The following SKOR2 variants were observed in gnomAD, a reference collection of about 807,000 sequenced individuals.
SKOR2 encodes LBX1 corepressor 1-like protein.
A neutral mutation model predicts 69.1 loss-of-function variants in SKOR2; 47 were observed. That is an observed-to-expected ratio of 0.68 (90% CI 0.54 to 0.87). The LOEUF (loss-of-function observed/expected upper bound fraction) is 0.87. SKOR2 is among the 40% of genes least tolerant of loss of function. The pLI is 0.00. For missense variants in SKOR2, 1,404 were observed against 1,472.2 expected (o/e 0.95, Z 0.76); for synonymous variants, 717 against 672.6 (o/e 1.07, Z -1.02).
At position 47,249,038 on chromosome 18, in the gene SKOR2, A is replaced by G. The variant is rs1384859149; in HGVS notation, c.146T>C (p.Ile49Thr). The G allele has an allele frequency of 6.5e-7, 1 of 1,539,570 alleles. No individual in the cohort carries two copies. Among genetic ancestry groups the G allele is most frequent in the Admixed American group, 2.0e-5 (1 of 51,206 alleles). Residue 49 changes from isoleucine (I) to threonine (T), a missense_variant, in exon 2 of 9, where the codon ATT becomes ACT. Ile to Thr is a moderately conservative substitution (Grantham distance 89, BLOSUM62 -1). Around this residue, in one of 3 missense-constraint regions of SKOR2, gnomAD observed 104 missense variants for 95.7 expected, o/e 1.09. Coordinates refer to ENST00000425639, the MANE Select transcript of SKOR2 (RefSeq NM_001278063.4). ...GTCGATCACCAACGACACGATGGGA[A>G]TGCCGTAGAGGATCACCTGGCCCAC... ...NQVGQVILYG[I>T]PIVSLVIDGQ... is the part of the protein sequence containing the mutation.
chr18:47,249,085 G>C lies in SKOR2; in HGVS notation c.99C>G (p.His33Gln). 2 of 1,536,470 alleles carry C rather than the reference G, an allele frequency of 1.3e-6. No individual in the cohort carries two copies. Among genetic ancestry groups the C allele is most frequent in the South Asian group, 2.4e-5 (2 of 84,068 alleles). ...PDTLSQPRPG[H>Q]ANLKPNQVGQ... ...CCACCTGGTTGGGTTTGAGGTTGGC[G>C]TGCCCTGGCCGCGGCTGGCTCAGCG... The change falls in exon 2 of 9, where the codon CAC becomes CAG. Residue 33 changes from histidine to glutamine, a missense_variant. By Grantham distance (24) the His-to-Gln change is conservative. This residue lies in a region of SKOR2 where 104 missense variants were observed against 95.7 expected (regional missense o/e 1.09). Transcript: ENST00000425639.
chr18:47,247,257 A>T lies in SKOR2; in HGVS notation c.1927T>A (p.Ser643Thr). 6.8e-7 allele frequency: 1 copy of T among 1,473,868 alleles called. No individual in the cohort carries two copies. Among genetic ancestry groups the T allele is most frequent in the Non-Finnish European group, 8.9e-7 (1 of 1,117,940 alleles). 91.3% of individuals were successfully genotyped at this position (1,473,868 alleles called of 1,614,324 possible). ...TGGGCCGAGTGGGGCGCGCCCGCCGACGCCCCGTGCAGCTTGGCCAGGCTC... is the reference window on the plus strand; with the variant it reads ...TGGGCCGAGTGGGGCGCGCCCGCCGTCGCCCCGTGCAGCTTGGCCAGGCTC... The part of the protein sequence containing the change: ...AESLAKLHGA[S>T]AGAPHSAQTH... The change falls in exon 2 of 9, where the codon TCG becomes ACG. Residue 643 changes from serine (S) to threonine (T), a missense_variant. By Grantham distance (58) the Ser-to-Thr change is moderately conservative (BLOSUM62 1). This residue lies in a region of SKOR2 where 1,266 missense variants were observed against 1,309.9 expected (regional missense o/e 0.97). Coordinates refer to ENST00000425639, the MANE Select transcript of SKOR2 (RefSeq NM_001278063.4). The surrounding 1 kb of genome is among the most constrained non-coding windows in gnomAD (Gnocchi z 6.6).
At chr18:47,219,154 T>C (rs1335392128) in intron 7 of SKOR2, among the ~76,000 whole-genome samples, 2 of 152,360 alleles carry the variant, frequency 1.3e-5, no homozygotes, top group Admixed American at 1.3e-4. Context: ...ATAATAATTA[T>C]GCTGAGAATA....
chr18:47,245,478 A>ATTTTGTTTTTTTTTTTTT lies in SKOR2; in HGVS notation c.2677+19_2677+20insAAAAAAAAAAAAACAAAA. Reference sequence around the variant, plus strand: ...ATGCAGGCAAGAAAAGTGGCAGCTGATTTTTTTTTTTTTTTTTACCTGAAA... The same window carrying ATTTTGTTTTTTTTTTTTT: ...ATGCAGGCAAGAAAAGTGGCAGCTGATTTTGTTTTTTTTTTTTTTTTTTTTTTTTTTTTTTACCTGAAA... On this transcript the variant is annotated intron_variant, in intron 3 of 8. Coordinates refer to ENST00000425639, the MANE Select transcript of SKOR2 (RefSeq NM_001278063.4). The ATTTTGTTTTTTTTTTTTT allele has an allele frequency of 8.4e-7, 1 of 1,194,644 alleles. No homozygotes were observed. Among genetic ancestry groups the ATTTTGTTTTTTTTTTTTT allele is most frequent in the Non-Finnish European group, 1.1e-6 (1 of 933,368 alleles). The allele number at this position is 1,194,644 out of a possible 1,614,324, so 74.0% of individuals were successfully genotyped here. A position where few individuals can be genotyped will look rare whatever the true frequency, so the allele number is the denominator to read the frequency against.
chr18:47,247,840 G>T lies in SKOR2; in HGVS notation c.1344C>A (p.Ala448=). 2 of 1,367,584 alleles carry T rather than the reference G, an allele frequency of 1.5e-6. No individual in the cohort carries two copies. The highest frequency in any genetic ancestry group is 1.9e-6 in the Non-Finnish European group (2 of 1,070,592). The allele number at this position is 1,367,584 out of a possible 1,614,324, so 84.7% of individuals were successfully genotyped here. A position where few individuals can be genotyped will look rare whatever the true frequency, so the allele number is the denominator to read the frequency against. The change falls in exon 2 of 9, where the codon GCC becomes GCA. Residue 448 remains alanine (A), a synonymous_variant. Coordinates refer to ENST00000425639, the MANE Select transcript of SKOR2 (RefSeq NM_001278063.4). The surrounding 1 kb of genome is among the most constrained non-coding windows in gnomAD (Gnocchi z 6.6). The part of the protein sequence containing the change: ...GAGGAGAAPK[A]GLSGLFWPAG... ...CGGGCCAGAAGAGGCCGGACAAGCC[G>T]GCCTTGGGCGCCGCGCCCGCGCCGC...
At chr18:47,226,299 C>T (rs1283087157) in intron 6 of SKOR2, among the ~76,000 whole-genome samples, 1 of 152,204 alleles carries the variant, frequency 6.6e-6, no homozygotes, top group East Asian at 1.9e-4. Flanking sequence ...GGATTTACAG[C>T]TGCAAAAATG....
intron 8 of SKOR2, among the ~76,000 whole-genome samples, chr18:47,210,726 G>A (rs56269748): frequency 0.1 from 15,548 of 151,992 alleles, 834 homozygotes; most frequent in Non-Finnish European, 0.12. Context: ...CCAACCTCAC[G>A]GGTGCATTTG....
chr18:47,207,153 C>A (rs116434749), intron 8 of SKOR2, among the ~76,000 whole-genome samples: 1,581 of 152,090 alleles, frequency 0.01, 16 homozygotes, highest in Middle Eastern at 0.068. Context: ...ACAAAAGCAG[C>A]CTGCAGTGAA....
chr18:47,249,700 C>A lies in SKOR2; in HGVS notation c.-47-470G>T, dbSNP rs78085361. Among the ~76,000 whole-genome samples, 1,102 of 152,258 alleles carry A rather than the reference C, an allele frequency of 7.2e-3. 10 individuals carry two copies. The highest frequency in any genetic ancestry group is 0.025 in the African/African-American group (1,058 of 41,536). The stretch of plus-strand genomic sequence containing the variant: ...TTGATTTTGGTTAAAAAGTAACCCC[C>A]AAAACCCTTTAAAAAGTGATTTTCT... On this transcript the variant is annotated intron_variant, in intron 1 of 8. Coordinates refer to ENST00000425639, the MANE Select transcript of SKOR2 (RefSeq NM_001278063.4).
intron 4 of SKOR2, among the ~76,000 whole-genome samples, chr18:47,242,291 G>C (rs2064252701): frequency 6.6e-6 from 1 of 152,060 alleles, no homozygotes; most frequent in Non-Finnish European, 1.5e-5. Flanking sequence ...ATGAAATGAA[G>C]AGAATATAGC....
intron 6 of SKOR2, among the ~76,000 whole-genome samples, chr18:47,221,397 A>G (rs146168455): frequency 1.2e-3 from 179 of 152,276 alleles, no homozygotes; most frequent in African/African-American, 3.9e-3. Flanking sequence ...GGAGAACAGC[A>G]TTCTACATAA....
chr18:47,247,796 A>G lies in SKOR2; in HGVS notation c.1388T>C (p.Phe463Ser). The G allele has an allele frequency of 7.1e-7, 1 of 1,398,676 alleles. No homozygotes were observed. Among genetic ancestry groups the G allele is most frequent in the Non-Finnish European group, 9.2e-7 (1 of 1,084,060 alleles). The allele number at this position is 1,398,676 out of a possible 1,614,324, so 86.6% of individuals were successfully genotyped here. A position where few individuals can be genotyped will look rare whatever the true frequency, so the allele number is the denominator to read the frequency against. Residue 463 changes from phenylalanine (F) to serine (S), a missense_variant, in exon 2 of 9, where the codon TTC becomes TCC. By Grantham distance (155) the Phe-to-Ser change is radical. Around this residue, in one of 3 missense-constraint regions of SKOR2, gnomAD observed 1,266 missense variants for 1,309.9 expected, o/e 0.97. Transcript: ENST00000425639. The surrounding 1 kb of genome is among the most constrained non-coding windows in gnomAD (Gnocchi z 6.6). ...LFWPAGRKDA[F>S]YPPFCMFWPP... ...CCAGAACATGCAGAAGGGCGGATAG[A>G]AGGCGTCCTTGCGGCCCGCGGGCCA...
At position 47,231,565 on chromosome 18, in the gene SKOR2, C is replaced by A. The variant is rs193022054; in HGVS notation, c.2753-565G>T. On this transcript the variant is annotated intron_variant, in intron 4 of 8. Transcript: ENST00000425639. ...TTTTTTTAAAAAAAACAACTTGGGC[C>A]GGGCGCGGTGGCTCACGCCTATAAT... Among the ~76,000 whole-genome samples the A allele has an allele frequency of 3.3e-5, 5 of 152,048 alleles. No individual in the cohort carries two copies. The East Asian group carries it at 9.7e-4, about 30-fold the overall frequency.
intron 7 of SKOR2, among the ~76,000 whole-genome samples, chr18:47,215,285 C>G (rs183380126): frequency 1.3e-5 from 2 of 152,262 alleles, no homozygotes; most frequent in East Asian, 1.9e-4. Flanking sequence ...TATTTAGACA[C>G]AGAACCAAAA....
chr18:47,249,748 G>A (rs1267101056), intron 1 of SKOR2, among the ~76,000 whole-genome samples: 1 of 152,158 alleles, frequency 6.6e-6, no homozygotes, highest in East Asian at 1.9e-4. Context: ...TTTCCTTGGG[G>A]AAATTCATTA....
chr18:47,222,274 C>T (rs1386429916), intron 6 of SKOR2, among the ~76,000 whole-genome samples: 1 of 151,586 alleles, frequency 6.6e-6, no homozygotes, highest in East Asian at 1.9e-4. Context: ...TGAGATTGCA[C>T]CACTGCACTC....
chr18:47,243,650 T>C (rs1158293209), intron 4 of SKOR2, among the ~76,000 whole-genome samples: 1 of 152,198 alleles, frequency 6.6e-6, no homozygotes, highest in Non-Finnish European at 1.5e-5. Context: ...TTTGTGACTT[T>C]AGAGTGTAAC....
In SKOR2 at chr18:47,247,802, T is replaced by C; in HGVS notation, c.1382A>G (p.Asp461Gly). The stretch of plus-strand genomic sequence containing the variant: ...CATGCAGAAGGGCGGATAGAAGGCG[T>C]CCTTGCGGCCCGCGGGCCAGAAGAG... ...SGLFWPAGRKDAFYPPFCMFW... is the reference protein window; with the variant it reads ...SGLFWPAGRKGAFYPPFCMFW... Residue 461 changes from aspartate (D) to glycine (G), a missense_variant, in exon 2 of 9, where the codon GAC becomes GGC. By Grantham distance (94) the Asp-to-Gly change is moderately conservative. Around this residue, in one of 3 missense-constraint regions of SKOR2, gnomAD observed 1,266 missense variants for 1,309.9 expected, o/e 0.97. Transcript: ENST00000425639. The surrounding 1 kb of genome is among the most constrained non-coding windows in gnomAD (Gnocchi z 6.6). 3 of 1,396,984 alleles carry C rather than the reference T, an allele frequency of 2.1e-6. No homozygotes were observed. The highest frequency in any genetic ancestry group is 2.8e-6 in the Non-Finnish European group (3 of 1,083,244). The allele number at this position is 1,396,984 out of a possible 1,614,324, so 86.5% of individuals were successfully genotyped here.
intron 3 of SKOR2, 71 bp downstream of exon 3, chr18:47,245,427 G>T: frequency 7.4e-7 from 1 of 1,354,864 alleles, no homozygotes; most frequent in Non-Finnish European, 9.7e-7. Flanking sequence ...GAGGAGGCTG[G>T]GCATAAGTCT....
Sources: allele counts gnomAD v4.1 joint callset (sites outside exome capture counted in the v4.1 genomes callset), GRCh38; gene constraint gnomAD v4.1.1; regional missense constraint gnomAD v4.1.1; non-coding constraint Gnocchi (gnomAD v3.1); transcripts MANE v1.5; gene names NCBI Gene and HGNC (gene_info 2026-07-23, HGNC 2026-07-21).